ZNF791: variants seen among roughly 807,000 people sequenced by gnomAD.
ZNF791 encodes the protein zinc finger protein 791.
ZNF791 carries 4 observed loss-of-function variants against 11.5 expected under a neutral mutation model. The observed-to-expected ratio is 0.35, with a 90% confidence interval of 0.17 to 0.80. The LOEUF is 0.80. Ranked by LOEUF, ZNF791 falls within the 30% of genes least tolerant of loss-of-function variation. The pLI is 0.53. For synonymous variants in ZNF791, 212 were observed against 228.1 expected (o/e 0.93, Z 0.64); for missense variants, 559 against 699.4 (o/e 0.80, Z 2.26).
chr19:12,619,783 C>T (rs183451584), intron 1 of ZNF791, among the ~76,000 whole-genome samples: 14 of 151,800 alleles, frequency 9.2e-5, no homozygotes, highest in African/African-American at 3.4e-4. Flanking sequence ...TTTTGTCTTC[C>T]TACTCAGTTT....
intron 1 of ZNF791, among the ~76,000 whole-genome samples, chr19:12,620,191 C>T (rs1010716161): frequency 6.6e-6 from 1 of 151,522 alleles, no homozygotes; most frequent in African/African-American, 2.4e-5. Context: ...GTGTGAGCCA[C>T]CGCACCTGGC....
rs971175943 is a variant in ZNF791, at chr19:12,633,456, G to A, written c.*4196G>A. On this transcript the variant is annotated 3_prime_UTR_variant, in exon 4 of 4. Transcript: ENST00000343325. ...GTGAAGAAGACATTAGTCAGGTATT[G>A]GAACCCCACCATACAGGGAGACAGC... The A allele has an allele frequency of 1.3e-5, 2 of 152,108 alleles. No homozygotes were observed. Among genetic ancestry groups the A allele is most frequent in the Admixed American group, 1.3e-4 (2 of 15,260 alleles). 9.4% of individuals were successfully genotyped at this position (152,108 alleles called of 1,614,324 possible).
chr19:12,628,331 G>A lies in ZNF791; in HGVS notation c.802G>A (p.Gly268Arg), dbSNP rs756169579. ...TCTAACACACATGATAACACACAACGGAGATAGACCTTATAAATGCAAAGA... is the reference window on the plus strand; with the variant it reads ...TCTAACACACATGATAACACACAACAGAGATAGACCTTATAAATGCAAAGA... ...SVLTHMITHNGDRPYKCKECG... is the reference protein window; with the variant it reads ...SVLTHMITHNRDRPYKCKECG... The change falls in exon 4 of 4, where the codon GGA (glycine) becomes AGA (arginine). Residue 268 changes from glycine (G) to arginine (R), a missense_variant. Physicochemically the swap from Gly to Arg is moderately radical, Grantham distance 125 (BLOSUM62 -2). Coordinates refer to ENST00000343325, the MANE Select transcript of ZNF791 (RefSeq NM_153358.3). 23 of 1,612,574 alleles carry A rather than the reference G, an allele frequency of 1.4e-5. No homozygotes were observed. Among genetic ancestry groups the A allele is most frequent in the East Asian group, 2.2e-5 (1 of 44,852 alleles).
At position 12,623,570 on chromosome 19, in the gene ZNF791, C is replaced by A; in HGVS notation, c.4-130C>A. ...AGTTTATGTGTTCAATGTGCTGTTA[C>A]ATTTCTAACAATTGAGTCATGCACT... On this transcript the variant is annotated intron_variant, in intron 1 of 3. Coordinates refer to ENST00000343325, the MANE Select transcript of ZNF791 (RefSeq NM_153358.3). 3.4e-6 allele frequency: 4 copies of A among 1,189,518 alleles called. No individual in the cohort carries two copies. In the South Asian group the frequency reaches 4.1e-5, roughly 12 times the overall value. The allele number at this position is 1,189,518 out of a possible 1,614,324, so 73.7% of individuals were successfully genotyped here.
chr19:12,613,417 T>C (rs2023192326), intron 1 of ZNF791, among the ~76,000 whole-genome samples: 1 of 152,040 alleles, frequency 6.6e-6, no homozygotes. Context: ...CCGTCTCTAC[T>C]AAAAATACAA....
intron 1 of ZNF791, among the ~76,000 whole-genome samples, chr19:12,613,409 G>A (rs1220437868): frequency 3.3e-5 from 5 of 151,924 alleles, no homozygotes; most frequent in South Asian, 2.1e-4. Context: ...GTGAAACCCC[G>A]TCTCTACTAA....
chr19:12,613,250 G>A (rs969934472), intron 1 of ZNF791, among the ~76,000 whole-genome samples: 3 of 151,276 alleles, frequency 2.0e-5, no homozygotes, highest in African/African-American at 4.9e-5. Flanking sequence ...GTGAGCCATC[G>A]TGCCAGGCCT....
chr19:12,626,516 C>G (rs2023430606), intron 3 of ZNF791, among the ~76,000 whole-genome samples: 1 of 151,730 alleles, frequency 6.6e-6, no homozygotes, highest in Admixed American at 6.6e-5. Context: ...ACTCCTGACC[C>G]CAATTGATCC....
rs920672090 is a variant in ZNF791 at position 12,610,977 on chromosome 19, C to A, written c.-103C>A. On this transcript the variant is annotated 5_prime_UTR_variant, in exon 1 of 4. Coordinates refer to ENST00000343325, the MANE Select transcript of ZNF791 (RefSeq NM_153358.3). ...GTGCTTAGCTTGGGGTCTCCTGGCC[C>A]CTTGACGCGTCAGGTTGCTGTACCC... 15 of 1,511,806 alleles carry A rather than the reference C, an allele frequency of 9.9e-6. No individual in the cohort carries two copies. The African/African-American group carries it at 2.1e-4, about 21-fold the overall frequency. 93.6% of individuals were successfully genotyped at this position (1,511,806 alleles called of 1,614,324 possible).
intron 1 of ZNF791, among the ~76,000 whole-genome samples, chr19:12,619,851 T>A (rs1362104071): frequency 1.2e-5 from 1 of 82,516 alleles, no homozygotes; most frequent in East Asian, 2.0e-4. Context: ...ACCTTTTTTT[T>A]CTGTTTTTTT....
At chr19:12,619,310 C>A (rs1395400074) in intron 1 of ZNF791, among the ~76,000 whole-genome samples, 2 of 152,056 alleles carry the variant, frequency 1.3e-5, no homozygotes, top group Non-Finnish European at 1.5e-5. Flanking sequence ...ACAATAAATT[C>A]TCTGGTAGTT....
rs1274392922 is a variant in ZNF791 at position 12,632,808 on chromosome 19, A to G, written c.*3548A>G. 6.6e-6 allele frequency: 1 copy of G among 151,218 alleles called. No homozygotes were observed. The highest frequency in any genetic ancestry group is 1.5e-5 in the Non-Finnish European group (1 of 67,858). 9.4% of individuals were successfully genotyped at this position (151,218 alleles called of 1,614,324 possible). Reference sequence around the variant, plus strand: ...AAAAAATTAAATTAAAATATAATAAATTTCTTGCCGGGCGCAGTGGCTCAC... The same window carrying G: ...AAAAAATTAAATTAAAATATAATAAGTTTCTTGCCGGGCGCAGTGGCTCAC... On this transcript the variant is annotated 3_prime_UTR_variant, in exon 4 of 4. Coordinates refer to ENST00000343325, the MANE Select transcript of ZNF791 (RefSeq NM_153358.3).
At position 12,627,814 on chromosome 19, in the gene ZNF791, C is replaced by T. The variant is rs370685398; in HGVS notation, c.285C>T (p.Ala95=). The T allele has an allele frequency of 3.0e-5, 48 of 1,613,936 alleles. No homozygotes were observed. Among genetic ancestry groups the T allele is most frequent in the East Asian group, 1.6e-4 (7 of 44,892 alleles). ...SPNLSVTKKT[A]GVKPYECTIC... ...ATCTCAGTGTGACGAAGAAGACTGC[C>T]GGAGTAAAACCATATGAGTGTACTA... is the stretch of plus-strand genomic sequence containing the variant. The change falls in exon 4 of 4, where the codon GCC becomes GCT. Residue 95 remains alanine, a synonymous_variant. Transcript: ENST00000343325.
At chr19:12,611,357 A>G (rs2023153404) in intron 1 of ZNF791, among the ~76,000 whole-genome samples, 1 of 152,176 alleles carries the variant, frequency 6.6e-6, no homozygotes, top group Non-Finnish European at 1.5e-5. Context: ...GGGAGGAGCT[A>G]CAGTCTGGGG....
chr19:12,619,409 T>G (rs2023297869), intron 1 of ZNF791, among the ~76,000 whole-genome samples: 1 of 151,902 alleles, frequency 6.6e-6, no homozygotes. Flanking sequence ...CGTTTGTACA[T>G]GATTGTTCTC....
In ZNF791 at chr19:12,630,211, A is replaced by G. The variant is rs1402855886; in HGVS notation, c.*951A>G. The G allele has an allele frequency of 6.6e-6, 1 of 151,904 alleles. No homozygotes were observed. Among genetic ancestry groups the G allele is most frequent in the African/African-American group, 2.4e-5 (1 of 41,296 alleles). 9.4% of individuals were successfully genotyped at this position (151,904 alleles called of 1,614,324 possible). A position where few individuals can be genotyped will look rare whatever the true frequency, so the allele number is the denominator to read the frequency against. On this transcript the variant is annotated 3_prime_UTR_variant, in exon 4 of 4. Coordinates refer to ENST00000343325, the MANE Select transcript of ZNF791 (RefSeq NM_153358.3). ...AGTGGCTCATACCTGTAATCCCAGC[A>G]CTTTGGGAGGCTGAGGTGGGAGAAT... is the stretch of plus-strand genomic sequence containing the variant.
chr19:12,617,832 T>A, intron 1 of ZNF791, among the ~76,000 whole-genome samples: 1 of 139,220 alleles, frequency 7.2e-6, no homozygotes, highest in East Asian at 2.1e-4. Context: ...AGTGGCATGA[T>A]CTCAGCCTAC....
intron 3 of ZNF791, among the ~76,000 whole-genome samples, chr19:12,625,675 C>A (rs903572006): frequency 6.7e-6 from 1 of 149,428 alleles, no homozygotes; most frequent in Non-Finnish European, 1.5e-5. Context: ...ATCCCAGCTA[C>A]TCAGGAGGCT....
rs201911368 is a variant in ZNF791, at chr19:12,628,077, T to C, written c.548T>C (p.Ile183Thr). Residue 183 changes from isoleucine to threonine, a missense_variant, in exon 4 of 4, where the codon ATT becomes ACT. Physicochemically the swap from Ile to Thr is moderately conservative, Grantham distance 89 (BLOSUM62 -1). Coordinates refer to ENST00000343325, the MANE Select transcript of ZNF791 (RefSeq NM_153358.3). ...QPFQRHERTH[I>T]GEKPYECKQC... ...TTTCAAAGACATGAGCGGACTCACATTGGAGAAAAACCCTATGAATGTAAG... is the reference window on the plus strand; with the variant it reads ...TTTCAAAGACATGAGCGGACTCACACTGGAGAAAAACCCTATGAATGTAAG... 9.9e-6 allele frequency: 16 copies of C among 1,613,648 alleles called. No individual in the cohort carries two copies. Among genetic ancestry groups the C allele is most frequent in the Non-Finnish European group, 1.3e-5 (15 of 1,179,920 alleles).
Sources: allele counts gnomAD v4.1 joint callset (sites outside exome capture counted in the v4.1 genomes callset), GRCh38; gene constraint gnomAD v4.1.1; transcripts MANE v1.5; gene names NCBI Gene and HGNC (gene_info 2026-07-23, HGNC 2026-07-21).